The following CDH23 variants were observed in gnomAD, a reference collection of about 807,000 sequenced individuals.
CDH23 encodes the protein cadherin-23.
CDH23 carries 189 observed loss-of-function variants against 317.1 expected under a neutral mutation model. The ratio of observed to expected loss-of-function variants is 0.60; its 90% CI spans 0.53 to 0.67. The LOEUF is 0.67. CDH23 is among the 30% of genes least tolerant of loss of function. The probability of loss-of-function intolerance (pLI) is 0.00; values close to 1 mark genes in which losing one functional copy is unlikely to be tolerated. For missense variants in CDH23, 4,401 were observed against 4,592.4 expected, an observed-to-expected ratio of 0.96 and a Z score of 1.20; for synonymous variants, 1,839 against 1,876.8, an observed-to-expected ratio of 0.98 and a Z score of 0.52.
intron 1 of CDH23, among the ~76,000 whole-genome samples, chr10:71,433,332 C>T (rs139822258): frequency 9.8e-5 from 15 of 152,300 alleles, no homozygotes; most frequent in African/African-American, 2.9e-4. Context: ...TTGGTGTCCA[C>T]GTACAGCTAT....
At chr10:71,780,964 G>T (rs1840936146) in intron 41 of CDH23, among the ~76,000 whole-genome samples, 1 of 152,196 alleles carries the variant, frequency 6.6e-6, no homozygotes, top group African/African-American at 2.4e-5. Flanking sequence ...GTTTTGGCGT[G>T]AGCAACCCAA....
intron 6 of CDH23, among the ~76,000 whole-genome samples, chr10:71,535,935 C>T (rs549416347): frequency 6.6e-6 from 1 of 152,392 alleles, no homozygotes; most frequent in Non-Finnish European, 1.5e-5. Context: ...CAGGCCAAGA[C>T]AGACAGTCAG....
intron 3 of CDH23, among the ~76,000 whole-genome samples, chr10:71,453,769 G>A (rs917470745): frequency 2.0e-5 from 3 of 152,254 alleles, no homozygotes; most frequent in East Asian, 1.9e-4. Context: ...GTCCCACAGC[G>A]AGGGCTGGTG....
rs370000472 is a variant in CDH23, at chr10:71,800,767, C to T, written c.7482+12C>T. 1 of 1,612,936 alleles carries T rather than the reference C, an allele frequency of 6.2e-7. No individual in the cohort carries two copies. The highest frequency in any genetic ancestry group is 1.1e-5 in the South Asian group (1 of 90,886). ...AAAATTCAGTGCAGGTGAGGGGTGCCAACCTGGGCCAGGGATGACAGGGAC... is the reference window on the plus strand; with the variant it reads ...AAAATTCAGTGCAGGTGAGGGGTGCTAACCTGGGCCAGGGATGACAGGGAC... On this transcript the variant is annotated intron_variant, in intron 53 of 69. Coordinates refer to ENST00000224721, the MANE Select transcript of CDH23 (RefSeq NM_022124.6).
chr10:71,612,352 T>G (rs1472946326), intron 9 of CDH23, among the ~76,000 whole-genome samples: 1 of 151,886 alleles, frequency 6.6e-6, no homozygotes, highest in African/African-American at 2.4e-5. Context: ...ATGGGGTGTC[T>G]TATGTGCTGG....
At chr10:71,809,799 C>T (rs761927501) in intron 60 of CDH23, 21 bp from the exon 61 acceptor site, 13 of 1,606,212 alleles carry the variant, frequency 8.1e-6, no homozygotes, top group Non-Finnish European at 1.1e-5. Flanking sequence ...GAGCCGTACC[C>T]CGCCTTTGGG....
intron 3 of CDH23, among the ~76,000 whole-genome samples, chr10:71,500,919 G>T (rs1853295004): frequency 1.3e-5 from 2 of 151,354 alleles, no homozygotes; most frequent in Admixed American, 6.6e-5. Flanking sequence ...CTCCAGGCTG[G>T]AGTGCAGTGG....
intron 3 of CDH23, among the ~76,000 whole-genome samples, chr10:71,450,170 C>T (rs1850362833): frequency 6.6e-6 from 1 of 152,204 alleles, no homozygotes; most frequent in African/African-American, 2.4e-5. Flanking sequence ...CACCTTGGCC[C>T]TGCCTATCAG....
intron 22 of CDH23, among the ~76,000 whole-genome samples, chr10:71,701,320 C>A (rs1340365344): frequency 6.6e-6 from 1 of 152,154 alleles, no homozygotes; most frequent in Non-Finnish European, 1.5e-5. Flanking sequence ...GATGAGGAGC[C>A]CTCAAAGGCT....
At chr10:71,794,542 G>C (rs1008219787) in intron 48 of CDH23, 1 of 152,258 alleles carries the variant, frequency 6.6e-6, no homozygotes, top group Non-Finnish European at 1.5e-5. Flanking sequence ...TTAGGAAAGG[G>C]ACATGGAGCT....
intron 3 of CDH23, among the ~76,000 whole-genome samples, chr10:71,477,251 C>G (rs183000772): frequency 2.4e-3 from 368 of 152,332 alleles, no homozygotes; most frequent in Non-Finnish European, 4.0e-3. Context: ...TTACTGCAAC[C>G]TCCGCCTCCC....
At chr10:71,510,890 G>A in intron 4 of CDH23, 64 bp from the exon 5 acceptor site, 1 of 1,553,888 alleles carries the variant, frequency 6.4e-7, no homozygotes, top group Non-Finnish European at 8.9e-7. Context: ...CCCCATTTAG[G>A]GCCCAGGACC....
intron 55 of CDH23, among the ~76,000 whole-genome samples, chr10:71,804,834 T>C (rs1255039049): frequency 1.3e-5 from 2 of 152,368 alleles, no homozygotes; most frequent in East Asian, 3.9e-4. Context: ...TATGTATTCT[T>C]GTCCCCTGCA....
At chr10:71,504,605 G>T (rs1408838164) in intron 3 of CDH23, among the ~76,000 whole-genome samples, 1 of 152,214 alleles carries the variant, frequency 6.6e-6, no homozygotes, top group Non-Finnish European at 1.5e-5. Flanking sequence ...ACAGAGTGGA[G>T]GGGCTGGCCT....
At chr10:71,600,065 C>T (rs997660715) in intron 9 of CDH23, among the ~76,000 whole-genome samples, 9 of 134,000 alleles carry the variant, frequency 6.7e-5, no homozygotes, top group Admixed American at 3.6e-4. Context: ...TGCAATGATG[C>T]GATCTCGGCT....
chr10:71,496,242 G>A (rs1589136044), intron 3 of CDH23, among the ~76,000 whole-genome samples: 1 of 152,206 alleles, frequency 6.6e-6, no homozygotes, highest in Non-Finnish European at 1.5e-5. Context: ...ATGAAATCAG[G>A]TTGAGATGCA....
At chr10:71,586,295 T>C (rs1589236795) in intron 9 of CDH23, among the ~76,000 whole-genome samples, 2 of 152,232 alleles carry the variant, frequency 1.3e-5, no homozygotes, top group Admixed American at 1.3e-4. Flanking sequence ...TTCTGCTTTT[T>C]CCTCAATCTG....
Position 71,510,234 on chromosome 10 carries a change from G to A in CDH23, c.288+10G>A. The A allele has an allele frequency of 6.2e-7, 1 of 1,612,108 alleles. No homozygotes were observed. Among genetic ancestry groups the A allele is most frequent in the Non-Finnish European group, 8.5e-7 (1 of 1,179,156 alleles). ...GCCACTGGACAGAGAGGTATGACTTGCCCATACCCCTGCCCCAATTCTCTC... is the reference window on the plus strand; with the variant it reads ...GCCACTGGACAGAGAGGTATGACTTACCCATACCCCTGCCCCAATTCTCTC... On this transcript the variant is annotated intron_variant, in intron 4 of 69. Coordinates refer to ENST00000224721, the MANE Select transcript of CDH23 (RefSeq NM_022124.6).
chr10:71,706,877 G>T lies in CDH23; in HGVS notation c.2954-20G>T. 1 of 1,578,344 alleles carries T rather than the reference G, an allele frequency of 6.3e-7. No homozygotes were observed. The highest frequency in any genetic ancestry group is 8.6e-7 in the Non-Finnish European group (1 of 1,161,722). On this transcript the variant is annotated intron_variant, in intron 25 of 69. Coordinates refer to ENST00000224721, the MANE Select transcript of CDH23 (RefSeq NM_022124.6). ...GCGGCAGAAGCCAGGCCTAGCCCCGGCGCCCGTTCTGCCCCGCAGTGCTGG... is the reference window on the plus strand; with the variant it reads ...GCGGCAGAAGCCAGGCCTAGCCCCGTCGCCCGTTCTGCCCCGCAGTGCTGG...
Sources: allele counts gnomAD v4.1 joint callset (sites outside exome capture counted in the v4.1 genomes callset), GRCh38; gene constraint gnomAD v4.1.1; transcripts MANE v1.5; gene names NCBI Gene and HGNC (gene_info 2026-07-23, HGNC 2026-07-21).